The following SLC49A4 variants were observed in gnomAD, a reference collection of about 807,000 sequenced individuals.
The protein encoded by SLC49A4 is solute carrier family 49 member 4.
SLC49A4 carries 36 observed loss-of-function variants against 50.6 expected under a neutral mutation model. That is an observed-to-expected ratio of 0.71 (90% CI 0.55 to 0.94). The LOEUF is 0.94. Ranked by LOEUF, SLC49A4 falls within the 40% of genes least tolerant of loss-of-function variation. The probability of loss-of-function intolerance (pLI) is 0.00; values close to 1 mark genes in which losing one functional copy is unlikely to be tolerated. For missense variants in SLC49A4, 503 were observed against 605.7 expected, an observed-to-expected ratio of 0.83 and a Z score of 1.78; for synonymous variants, 248 against 241.2, an observed-to-expected ratio of 1.03 and a Z score of -0.26.
chr3:122,839,927 G>T (rs1019190041), intron 4 of SLC49A4, among the ~76,000 whole-genome samples: 1 of 152,072 alleles, frequency 6.6e-6, no homozygotes, highest in African/African-American at 2.4e-5. Context: ...TGAAAAAGAC[G>T]TATGCACATG....
At chr3:122,848,715 G>T (rs200493900) in intron 5 of SLC49A4, among the ~76,000 whole-genome samples, 1 of 50,928 alleles carries the variant, frequency 2.0e-5, no homozygotes, top group East Asian at 3.9e-4. Flanking sequence ...GTACATATTT[G>T]GGGGGGATAT....
rs375546559 is a variant in SLC49A4, at chr3:122,834,029, G to A, written c.833+583G>A. Reference sequence around the variant, plus strand: ...AAACTCTACTCTTGAAGGCTCAAATGCCCAGTACTGAATTTAATTCTTGGG... The same window carrying A: ...AAACTCTACTCTTGAAGGCTCAAATACCCAGTACTGAATTTAATTCTTGGG... On this transcript the variant is annotated intron_variant, in intron 4 of 8. Transcript: ENST00000261038. 9.2e-5 allele frequency among the ~76,000 whole-genome samples: 14 copies of A among 152,188 alleles called. 2 individuals carry two copies. Among genetic ancestry groups the A allele is most frequent in the South Asian group, 4.2e-4 (2 of 4,818 alleles).
chr3:122,822,736 C>T (rs941178920), intron 2 of SLC49A4, among the ~76,000 whole-genome samples: 1 of 152,094 alleles, frequency 6.6e-6, no homozygotes, highest in African/African-American at 2.4e-5. Flanking sequence ...TCATCTTGCT[C>T]GACTCCCATT....
At chr3:122,824,615 C>G (rs932419765) in intron 2 of SLC49A4, among the ~76,000 whole-genome samples, 2 of 150,612 alleles carry the variant, frequency 1.3e-5, no homozygotes, top group Admixed American at 1.3e-4. Flanking sequence ...CCTTTCTTTT[C>G]TTTCTCTTTC....
intron 2 of SLC49A4, among the ~76,000 whole-genome samples, chr3:122,822,802 C>T (rs986085936): frequency 6.6e-6 from 1 of 152,154 alleles, no homozygotes; most frequent in Non-Finnish European, 1.5e-5. Context: ...CCCAATCCAC[C>T]TACAACTTAT....
intron 2 of SLC49A4, among the ~76,000 whole-genome samples, chr3:122,818,724 G>T (rs538174005): frequency 1.2e-4 from 19 of 152,142 alleles, no homozygotes; most frequent in African/African-American, 4.6e-4. Flanking sequence ...TGGGTGGATT[G>T]CTTGAGGCCA....
chr3:122,871,575 A>G (rs1305885612), intron 7 of SLC49A4, among the ~76,000 whole-genome samples: 1 of 152,130 alleles, frequency 6.6e-6, no homozygotes, highest in African/African-American at 2.4e-5. Context: ...ATCGGTGAAT[A>G]TGATATACTT....
intron 8 of SLC49A4, among the ~76,000 whole-genome samples, chr3:122,875,111 A>G (rs568858897): frequency 1.3e-4 from 20 of 152,202 alleles, no homozygotes; most frequent in Non-Finnish European, 1.9e-4. Context: ...CACATTCTTT[A>G]TGGTCTCAGG....
chr3:122,827,591 A>G (rs1936549892), intron 3 of SLC49A4, among the ~76,000 whole-genome samples: 1 of 152,112 alleles, frequency 6.6e-6, no homozygotes, highest in Non-Finnish European at 1.5e-5. Context: ...TCTTTGAATT[A>G]TTTTATTTCT....
chr3:122,797,026 T>G (rs1207442573), intron 1 of SLC49A4, among the ~76,000 whole-genome samples: 3 of 152,314 alleles, frequency 2.0e-5, no homozygotes, highest in Admixed American at 6.5e-5. Flanking sequence ...GAGAATAGAA[T>G]AGCAGGGTGA....
intron 6 of SLC49A4, among the ~76,000 whole-genome samples, chr3:122,858,008 G>C (rs1937009571): frequency 6.6e-6 from 1 of 152,022 alleles, no homozygotes; most frequent in Admixed American, 6.5e-5. Context: ...CTTACTCTGG[G>C]ATCTGAAGTC....
intron 7 of SLC49A4, among the ~76,000 whole-genome samples, chr3:122,862,476 A>G (rs957495673): frequency 1.3e-5 from 2 of 152,206 alleles, no homozygotes; most frequent in Non-Finnish European, 2.9e-5. Context: ...GGCATCCTAC[A>G]TTGGAGTTTT....
intron 2 of SLC49A4, among the ~76,000 whole-genome samples, chr3:122,807,731 A>G (rs1365096448): frequency 6.6e-6 from 1 of 152,164 alleles, no homozygotes; most frequent in Admixed American, 6.5e-5. Context: ...GGACCCATAA[A>G]TTACTCAAGT....
At chr3:122,801,761 G>C (rs930586380) in intron 1 of SLC49A4, among the ~76,000 whole-genome samples, 1 of 152,116 alleles carries the variant, frequency 6.6e-6, no homozygotes, top group Non-Finnish European at 1.5e-5. Context: ...ATCATCTAGT[G>C]GATATTGAAA....
At chr3:122,859,015 G>A (rs907025985) in intron 6 of SLC49A4, among the ~76,000 whole-genome samples, 1 of 152,134 alleles carries the variant, frequency 6.6e-6, no homozygotes, top group South Asian at 2.1e-4. Context: ...TGTATGTTTT[G>A]TTCTCAAGAA....
At chr3:122,852,057 G>C (rs963041758) in intron 5 of SLC49A4, among the ~76,000 whole-genome samples, 1 of 147,110 alleles carries the variant, frequency 6.8e-6, no homozygotes, top group African/African-American at 2.5e-5. Flanking sequence ...GCAGCGGCGT[G>C]ATCAGCTCAC....
chr3:122,857,926 A>G (rs1937008736), intron 6 of SLC49A4, among the ~76,000 whole-genome samples: 1 of 152,210 alleles, frequency 6.6e-6, no homozygotes, highest in Non-Finnish European at 1.5e-5. Context: ...AGATATAATT[A>G]AAGGGAAAAT....
At chr3:122,812,735 C>T (rs1576292910) in intron 2 of SLC49A4, among the ~76,000 whole-genome samples, 1 of 152,212 alleles carries the variant, frequency 6.6e-6, no homozygotes, top group African/African-American at 2.4e-5. Context: ...GTCCATCCTA[C>T]AGTATAATCA....
intron 2 of SLC49A4, among the ~76,000 whole-genome samples, chr3:122,812,998 C>T (rs1478202899): frequency 6.6e-6 from 1 of 152,018 alleles, no homozygotes; most frequent in Non-Finnish European, 1.5e-5. Context: ...CTTTATAATC[C>T]CAGTACTTTG....
Sources: gnomAD v4.1 joint callset for allele counts (sites outside exome capture counted in the v4.1 genomes callset) on GRCh38, gnomAD v4.1.1 for gene constraint, MANE v1.5 for transcripts, NCBI Gene and HGNC (gene_info 2026-07-23, HGNC 2026-07-21) for gene names.